Variants in PHKB observed in about 807,000 individuals in gnomAD.
The protein encoded by PHKB is phosphorylase b kinase regulatory subunit beta.
In PHKB, 122 loss-of-function variants were observed where a neutral mutation model predicts 152.1. The ratio of observed to expected loss-of-function variants is 0.80; its 90% CI spans 0.69 to 0.93. The LOEUF is 0.93. PHKB is among the 40% of genes least tolerant of loss of function. The pLI is 0.00. For missense variants in PHKB, 1,304 were observed against 1,328.4 expected, an observed-to-expected ratio of 0.98 and a Z score of 0.29; for synonymous variants, 436 against 464.9, an observed-to-expected ratio of 0.94 and a Z score of 0.80.
Position 47,497,428 on chromosome 16 carries a change from A to C in PHKB, c.106A>C (p.Asn36His). 1.2e-6 allele frequency: 2 copies of C among 1,608,196 alleles called. No homozygotes were observed. The highest frequency in any genetic ancestry group is 1.7e-6 in the Non-Finnish European group (2 of 1,176,792). The change falls in exon 2 of 31, where the codon AAT becomes CAT. Residue 36 changes from asparagine to histidine, a missense_variant. Asn to His is a moderately conservative substitution (Grantham distance 68). Coordinates refer to ENST00000323584, the MANE Select transcript of PHKB (RefSeq NM_000293.3). Reference protein sequence around the residue: ...GSVYEPLKSINLPRPDNETLW... With the variant: ...GSVYEPLKSIHLPRPDNETLW... The stretch of plus-strand genomic sequence containing the variant: ...AGTTTATGAACCTCTTAAAAGCATT[A>C]ATCTTCCAAGACCTGATAATGAAAC...
intron 29 of PHKB, among the ~76,000 whole-genome samples, chr16:47,697,927 T>C (rs1176824072): frequency 6.6e-6 from 1 of 152,224 alleles, no homozygotes; most frequent in African/African-American, 2.4e-5. Context: ...TTTTAAAACA[T>C]GGCCATCCCT....
intron 1 of PHKB, among the ~76,000 whole-genome samples, chr16:47,472,072 A>G (rs1335236569): frequency 6.6e-6 from 1 of 152,148 alleles, no homozygotes; most frequent in African/African-American, 2.4e-5. Flanking sequence ...TAAAAAGTAT[A>G]TGTGCGAAAT....
At chr16:47,565,388 C>G in intron 7 of PHKB, 1 of 1,071,846 alleles carries the variant, frequency 9.3e-7, no homozygotes, top group Non-Finnish European at 1.5e-6. Flanking sequence ...AGCTACTTTT[C>G]CCCCACCACT....
chr16:47,590,140 G>T (rs1018134405), intron 10 of PHKB, among the ~76,000 whole-genome samples: 1 of 152,134 alleles, frequency 6.6e-6, no homozygotes, highest in Admixed American at 6.6e-5. Flanking sequence ...CTGAAGGTAG[G>T]TAAGGTCCCT....
chr16:47,592,040 T>C (rs1972037701), intron 10 of PHKB, among the ~76,000 whole-genome samples: 2 of 152,186 alleles, frequency 1.3e-5, no homozygotes, highest in Non-Finnish European at 2.9e-5. Context: ...GGAAGGTAGA[T>C]ACTAGGAATG....
In PHKB at chr16:47,587,682, A is replaced by G. The variant is rs1322385942; in HGVS notation, c.789A>G (p.Ser263=). The stretch of plus-strand genomic sequence containing the variant: ...TCTCTGTCCAGGGCTGTTCGTGGTC[A>G]GTTATATTTGTGGATCTCGATGCTC... ...NLFGNQGCSW[S]VIFVDLDAHN... is the part of the protein sequence containing the mutation. Residue 263 remains serine, a synonymous_variant, in exon 9 of 31, where the codon TCA becomes TCG. Transcript: ENST00000323584. The G allele has an allele frequency of 6.2e-7, 1 of 1,612,940 alleles. No homozygotes were observed.
intron 30 of PHKB, 114 bp downstream of exon 30, chr16:47,698,702 C>G (rs1974197897): frequency 7.5e-6 from 7 of 934,244 alleles, no homozygotes. Context: ...TTCACAGGTG[C>G]AAAATAGGAT....
intron 26 of PHKB, among the ~76,000 whole-genome samples, chr16:47,684,809 G>C (rs921324494): frequency 6.6e-6 from 1 of 151,958 alleles, no homozygotes; most frequent in African/African-American, 2.4e-5. Context: ...AAAAGGATAA[G>C]CTTATTCCCA....
chr16:47,633,965 G>T (rs1001872995), intron 14 of PHKB, among the ~76,000 whole-genome samples: 5 of 152,056 alleles, frequency 3.3e-5, no homozygotes, highest in Non-Finnish European at 5.9e-5. Context: ...ACCATAAATC[G>T]CAGACAATGG....
intron 1 of PHKB, among the ~76,000 whole-genome samples, chr16:47,479,980 A>G (rs1308822077): frequency 2.6e-5 from 4 of 152,150 alleles, no homozygotes; most frequent in Admixed American, 1.3e-4. Context: ...TTCCATGTTG[A>G]GGCCATTGCT....
intron 27 of PHKB, among the ~76,000 whole-genome samples, chr16:47,691,188 T>C (rs1228686149): frequency 6.6e-6 from 1 of 152,118 alleles, no homozygotes; most frequent in Non-Finnish European, 1.5e-5. Context: ...ATAACTGACA[T>C]TTCTAAAGTG....
At chr16:47,483,154 T>G (rs1969994257) in intron 1 of PHKB, among the ~76,000 whole-genome samples, 1 of 146,170 alleles carries the variant, frequency 6.8e-6, no homozygotes, top group Non-Finnish European at 1.5e-5. Context: ...TTCTCATGCC[T>G]CAGCCTCCCG....
intron 7 of PHKB, chr16:47,561,674 T>C (rs1449014803): frequency 6.6e-6 from 1 of 152,200 alleles, no homozygotes; most frequent in Non-Finnish European, 1.5e-5. Context: ...AGAACAACAT[T>C]GGCAGCTGGT....
intron 1 of PHKB, among the ~76,000 whole-genome samples, chr16:47,493,071 A>C (rs759602487): frequency 3.9e-5 from 6 of 152,148 alleles, no homozygotes; most frequent in Non-Finnish European, 8.8e-5. Context: ...GGAACAGGGG[A>C]GATCAGGCTC....
intron 2 of PHKB, 86 bp from the exon 3 acceptor site, chr16:47,499,670 T>G: frequency 1.3e-6 from 2 of 1,506,698 alleles, no homozygotes; most frequent in Non-Finnish European, 1.8e-6. Flanking sequence ...AGAAGTGGGA[T>G]GAGGAAACCA....
chr16:47,467,217 T>C (rs1969684493), intron 1 of PHKB, among the ~76,000 whole-genome samples: 1 of 152,224 alleles, frequency 6.6e-6, no homozygotes, highest in South Asian at 2.1e-4. Flanking sequence ...TTCTTATCTC[T>C]CTCATTTTGG....
rs1273765929 is a variant in PHKB, at chr16:47,648,533, G to A, written c.1609G>A (p.Ala537Thr). ...TAATTTACAAACTTGTGTCTTACAGGCTTATTTGCAGCTGGGTATCAATGA... is the reference window on the plus strand; with the variant it reads ...TAATTTACAAACTTGTGTCTTACAGACTTATTTGCAGCTGGGTATCAATGA... ...QIWPQQELVKAYLQLGINEKL... is the reference protein window; with the variant it reads ...QIWPQQELVKTYLQLGINEKL... The change falls in exon 17 of 31, where the codon GCT becomes ACT. Residue 537 changes from alanine (A) to threonine (T), a missense_variant and splice_region_variant. Ala to Thr is a moderately conservative substitution (Grantham distance 58, BLOSUM62 0). Transcript: ENST00000323584. The A allele has an allele frequency of 1.9e-6, 3 of 1,607,896 alleles. No individual in the cohort carries two copies. In the Admixed American group the frequency reaches 5.0e-5, roughly 27 times the overall value.
At chr16:47,518,134 A>G (rs1242729805) in intron 6 of PHKB, among the ~76,000 whole-genome samples, 1 of 152,134 alleles carries the variant, frequency 6.6e-6, no homozygotes, top group Non-Finnish European at 1.5e-5. Context: ...CTCACATTTT[A>G]AGACAATCTA....
At chr16:47,535,781 G>C (rs562055140) in intron 6 of PHKB, among the ~76,000 whole-genome samples, 2 of 152,188 alleles carry the variant, frequency 1.3e-5, no homozygotes, top group Non-Finnish European at 2.9e-5. Flanking sequence ...TCAGATATTT[G>C]CATTATTGTC....
Sources: allele counts gnomAD v4.1 joint callset (sites outside exome capture counted in the v4.1 genomes callset), GRCh38; gene constraint gnomAD v4.1.1; transcripts MANE v1.5; gene names NCBI Gene and HGNC (gene_info 2026-07-23, HGNC 2026-07-21).